GRIP1: variants seen among roughly 807,000 people sequenced by gnomAD.
GRIP1 encodes the protein glutamate receptor-interacting protein 1.
In GRIP1, 45 loss-of-function variants were observed where a neutral mutation model predicts 129.9. That is an observed-to-expected ratio of 0.35 (90% CI 0.27 to 0.44). The LOEUF is 0.44. Among genes scored for constraint, GRIP1 ranks in the 20% least tolerant of loss-of-function variants. GRIP1 has a pLI of 1.00. For missense variants in GRIP1, 1,196 were observed against 1,396.8 expected, an observed-to-expected ratio of 0.86 and a Z score of 2.29; for synonymous variants, 530 against 520.8, an observed-to-expected ratio of 1.02 and a Z score of -0.24.
chr12:66,770,699 TAG>T lies in GRIP1; in HGVS notation c.-420+33352_-420+33353del, dbSNP rs2037790173. Among the ~76,000 whole-genome samples the T allele has an allele frequency of 9.2e-5, 14 of 152,302 alleles. No individual in the cohort carries two copies. In the South Asian group the frequency reaches 2.9e-3, roughly 32 times the overall value. On this transcript the variant is annotated intron_variant, in intron 1 of 4. Coordinates refer to the GRIP1 transcript ENST00000538373. ...GGATCTGTTTAACTTTACTCTGTCA[TAG>T]AGATTTTCTCCCATTTTTATTTATA...
At position 66,727,096 on chromosome 12, in the gene GRIP1, A is replaced by G. The variant is rs186813276; in HGVS notation, c.-420+76957T>C. Among the ~76,000 whole-genome samples the G allele has an allele frequency of 7.8e-4, 119 of 152,322 alleles. 1 individual carries two copies. The highest frequency in any genetic ancestry group is 2.7e-3 in the African/African-American group (114 of 41,572). On this transcript the variant is annotated intron_variant, in intron 1 of 4. Coordinates refer to the GRIP1 transcript ENST00000538373. ...ACAACATATACTCCATCTGGAGTTT[A>G]AAGTCACGATTAGAAGATTCTATGT...
chr12:66,715,503 A>ATT (rs1334550540), intron 1 of GRIP1, among the ~76,000 whole-genome samples: 1 of 151,082 alleles, frequency 6.6e-6, no homozygotes, highest in East Asian at 2.0e-4. Context: ...AGAGAGAGAG[A>ATT]GAGAGAGAGA....
chr12:67,053,644 A>G (rs2043383286), intron 1 of GRIP1, among the ~76,000 whole-genome samples: 1 of 152,104 alleles, frequency 6.6e-6, no homozygotes, highest in Non-Finnish European at 1.5e-5. Context: ...GTTCAAGACC[A>G]ACATGGCAAA....
chr12:66,430,827 T>C (rs1269267323), intron 14 of GRIP1, among the ~76,000 whole-genome samples: 1 of 152,190 alleles, frequency 6.6e-6, no homozygotes, highest in Non-Finnish European at 1.5e-5. Context: ...GAGGAATAGA[T>C]GACTTCACAA....
At chr12:66,938,391 T>C (rs1337964141) in intron 1 of GRIP1, among the ~76,000 whole-genome samples, 1 of 152,098 alleles carries the variant, frequency 6.6e-6, no homozygotes. Flanking sequence ...ATAATAATGA[T>C]AATAATAATT....
intron 2 of GRIP1, among the ~76,000 whole-genome samples, chr12:66,585,017 T>TA (rs2063562561): frequency 6.6e-6 from 1 of 152,150 alleles, no homozygotes; most frequent in Non-Finnish European, 1.5e-5. Flanking sequence ...GCACACTGGA[T>TA]GCACCCCTGC....
chr12:67,001,348 G>A (rs962458931), intron 1 of GRIP1, among the ~76,000 whole-genome samples: 1 of 152,110 alleles, frequency 6.6e-6, no homozygotes, highest in Non-Finnish European at 1.5e-5. Flanking sequence ...GGGGAAAAAA[G>A]CATCAGGATC....
At chr12:66,823,252 T>C (rs76786434) in intron 1 of GRIP1, among the ~76,000 whole-genome samples, 5,623 of 152,286 alleles carry the variant, frequency 0.037, 107 homozygotes, top group Middle Eastern at 0.095. Flanking sequence ...AATATCAAAA[T>C]TTCCTAGGAA....
intron 13 of GRIP1, among the ~76,000 whole-genome samples, chr12:66,441,673 T>G (rs11176183): frequency 0.46 from 69,644 of 152,058 alleles, 17,041 homozygotes; most frequent in East Asian, 0.7. Context: ...AATAGTACAG[T>G]GCTTAGCACC....
rs527653286 is a variant in GRIP1, at chr12:66,742,398, C to T, written c.-420+61655G>A. 5.9e-5 allele frequency among the ~76,000 whole-genome samples: 9 copies of T among 152,238 alleles called. No individual in the cohort carries two copies. The South Asian group carries it at 6.2e-4, about 10-fold the overall frequency. On this transcript the variant is annotated intron_variant, in intron 1 of 4. Coordinates refer to the GRIP1 transcript ENST00000538373. ...CAAGGAACCAGTATAAATTGCTACACGCAGCTATGCCACCCACAAGGGCAT... is the reference window on the plus strand; with the variant it reads ...CAAGGAACCAGTATAAATTGCTACATGCAGCTATGCCACCCACAAGGGCAT...
chr12:66,666,416 T>G (rs1004373475), intron 1 of GRIP1, among the ~76,000 whole-genome samples: 1 of 152,134 alleles, frequency 6.6e-6, no homozygotes, highest in Admixed American at 6.5e-5. Context: ...CCAGCTTTTG[T>G]CCCCCTTAGG....
chr12:66,836,862 G>A (rs1210453828), intron 1 of GRIP1, among the ~76,000 whole-genome samples: 2 of 152,202 alleles, frequency 1.3e-5, no homozygotes, highest in Admixed American at 1.3e-4. Context: ...AGAGGAGGAT[G>A]TTTAGAGCTC....
At chr12:66,703,029 A>G (rs2035404454) in intron 1 of GRIP1, among the ~76,000 whole-genome samples, 1 of 152,198 alleles carries the variant, frequency 6.6e-6, no homozygotes, top group Non-Finnish European at 1.5e-5. Flanking sequence ...CATGTAAGTC[A>G]CTGCAGTGTT....
chr12:66,677,638 G>A (rs986194460), intron 1 of GRIP1, among the ~76,000 whole-genome samples: 1 of 152,110 alleles, frequency 6.6e-6, no homozygotes, highest in African/African-American at 2.4e-5. Context: ...TTCCCCCAAA[G>A]TACCTTTTAA....
intron 1 of GRIP1, among the ~76,000 whole-genome samples, chr12:67,015,337 T>C (rs2042770393): frequency 6.6e-6 from 1 of 152,178 alleles, no homozygotes; most frequent in Non-Finnish European, 1.5e-5. Context: ...CACGCTAAAA[T>C]ATAAACATGT....
chr12:66,850,887 T>C (rs1267815528), intron 1 of GRIP1, among the ~76,000 whole-genome samples: 1 of 151,062 alleles, frequency 6.6e-6, no homozygotes, highest in Non-Finnish European at 1.5e-5. Context: ...TTTGGGCTTC[T>C]TGGCTTTTAA....
Position 67,003,462 on chromosome 12 carries a change from C to A in GRIP1, c.58+65588G>T, listed in dbSNP as rs561085224. On this transcript the variant is annotated intron_variant, in intron 1 of 1. Transcript: ENST00000643019. Reference sequence around the variant, plus strand: ...ATTCCAGCACTTTGGGAGGCTGAGGCAGGCAGATTGCCTGAGCTCAGGAGT... The same window carrying A: ...ATTCCAGCACTTTGGGAGGCTGAGGAAGGCAGATTGCCTGAGCTCAGGAGT... Among the ~76,000 whole-genome samples the A allele has an allele frequency of 1.8e-4, 27 of 152,166 alleles. No individual in the cohort carries two copies. The South Asian group carries it at 5.4e-3, about 30-fold the overall frequency.
intron 13 of GRIP1, among the ~76,000 whole-genome samples, chr12:66,433,830 C>G (rs2058221790): frequency 6.6e-6 from 1 of 152,174 alleles, no homozygotes; most frequent in Admixed American, 6.5e-5. Context: ...GGTGAGCTAT[C>G]CACTTGGCCG....
intron 1 of GRIP1, among the ~76,000 whole-genome samples, chr12:66,645,384 T>A (rs1029353469): frequency 6.6e-6 from 1 of 151,970 alleles, no homozygotes; most frequent in East Asian, 1.9e-4. Flanking sequence ...GAGGACCTTA[T>A]ACATGCAACA....
Sources: allele counts gnomAD v4.1 joint callset (sites outside exome capture counted in the v4.1 genomes callset), GRCh38; gene constraint gnomAD v4.1.1; transcripts MANE v1.5; gene names NCBI Gene and HGNC (gene_info 2026-07-23, HGNC 2026-07-21).